Variants in SH3RF1 observed in about 807,000 individuals in gnomAD.
The protein encoded by SH3RF1 is E3 ubiquitin-protein ligase SH3RF1.
A neutral mutation model predicts 74.0 loss-of-function variants in SH3RF1; 32 were observed. The observed-to-expected ratio is 0.43, with a 90% confidence interval of 0.33 to 0.58. The LOEUF is 0.58. SH3RF1 is among the 20% of genes least tolerant of loss of function. The pLI is 0.05. For missense variants in SH3RF1, 954 were observed against 1,130.9 expected (o/e 0.84, Z 2.24); for synonymous variants, 396 against 439.6 (o/e 0.90, Z 1.24).
intron 2 of SH3RF1, among the ~76,000 whole-genome samples, chr4:169,261,659 C>T (rs181596017): frequency 6.0e-4 from 91 of 150,810 alleles, no homozygotes; most frequent in Admixed American, 5.3e-3. Flanking sequence ...TGAGTAGATA[C>T]GGAAGCTATC....
At chr4:169,117,457 A>T (rs1204821106) in intron 9 of SH3RF1, 66 bp downstream of exon 9, 1 of 1,575,862 alleles carries the variant, frequency 6.3e-7, no homozygotes, top group East Asian at 2.3e-5. Flanking sequence ...CATCTGTCAT[A>T]AAAGATCTAC....
intron 11 of SH3RF1, among the ~76,000 whole-genome samples, chr4:169,098,720 C>T (rs771379920): frequency 8.5e-5 from 13 of 152,168 alleles, no homozygotes; most frequent in East Asian, 3.9e-4. Context: ...CATGACACAG[C>T]GGGAGAAACA....
Position 169,136,390 on chromosome 4 carries a change from G to C in SH3RF1, c.996C>G (p.Ile332Met). 1 of 1,594,714 alleles carries C rather than the reference G, an allele frequency of 6.3e-7. No homozygotes were observed. The highest frequency in any genetic ancestry group is 8.5e-7 in the Non-Finnish European group (1 of 1,172,016). Reference sequence around the variant, plus strand: ...CAGCAGCAGTGGGGTTGCTGGAGCTGATGAGGACAGGGGGGCTGATCTCCA... The same window carrying C: ...CAGCAGCAGTGGGGTTGCTGGAGCTCATGAGGACAGGGGGGCTGATCTCCA... Reference protein sequence around the residue: ...HSMEISPPVLISSSNPTAAAR... With the variant: ...HSMEISPPVLMSSSNPTAAAR... Residue 332 changes from isoleucine to methionine, a missense_variant, in exon 5 of 12, where the codon ATC becomes ATG. Transcript: ENST00000284637.
chr4:169,234,197 TA>T (rs1730790975), intron 2 of SH3RF1, among the ~76,000 whole-genome samples: 1 of 152,140 alleles, frequency 6.6e-6, no homozygotes, highest in Admixed American at 6.6e-5. Context: ...AATTTTTTTT[TA>T]AATTGTCCCA....
chr4:169,234,530 T>C (rs1730796696), intron 2 of SH3RF1, among the ~76,000 whole-genome samples: 2 of 152,236 alleles, frequency 1.3e-5, no homozygotes, highest in African/African-American at 4.8e-5. Flanking sequence ...TAAACAATGA[T>C]ATCCTAATAG....
intron 6 of SH3RF1, among the ~76,000 whole-genome samples, chr4:169,123,817 G>A (rs1368526623): frequency 3.3e-5 from 5 of 152,160 alleles, no homozygotes; most frequent in African/African-American, 2.4e-5. Flanking sequence ...GCGTGAACCC[G>A]GGAGGCGGAG....
chr4:169,218,880 G>C (rs13143597), intron 2 of SH3RF1, among the ~76,000 whole-genome samples: 8,806 of 152,102 alleles, frequency 0.058, 292 homozygotes, highest in Admixed American at 0.1. Context: ...TTTGCTTTAA[G>C]TAATTAGGAG....
intron 1 of SH3RF1, 104 bp from the exon 2 acceptor site, chr4:169,269,411 C>T (rs967653485): frequency 1.7e-6 from 1 of 571,828 alleles, no homozygotes; most frequent in Non-Finnish European, 3.0e-6. Context: ...GTACACTATT[C>T]CCTGTCTGAA....
At chr4:169,256,945 T>C (rs1731202131) in intron 2 of SH3RF1, among the ~76,000 whole-genome samples, 1 of 152,156 alleles carries the variant, frequency 6.6e-6, no homozygotes, top group African/African-American at 2.4e-5. Flanking sequence ...GTATTAAAAG[T>C]TCTAATTTCT....
intron 2 of SH3RF1, among the ~76,000 whole-genome samples, chr4:169,178,549 A>G (rs1734459725): frequency 6.6e-6 from 1 of 152,126 alleles, no homozygotes; most frequent in Non-Finnish European, 1.5e-5. Context: ...TCTGGAACAC[A>G]GGTACTTTGG....
intron 6 of SH3RF1, 87 bp from the exon 7 acceptor site, chr4:169,122,353 G>C (rs1439431306): frequency 2.8e-6 from 4 of 1,409,010 alleles, no homozygotes. Context: ...GAGAGAAAAA[G>C]AATTATAAAT....
intron 2 of SH3RF1, among the ~76,000 whole-genome samples, chr4:169,218,314 AG>A (rs1273083293): frequency 1.0e-5 from 1 of 96,416 alleles, no homozygotes; most frequent in Non-Finnish European, 2.3e-5. Flanking sequence ...TATAGAATAT[AG>A]AATATAGAAT....
chr4:169,156,770 A>G, intron 2 of SH3RF1, 91 bp from the exon 3 acceptor site: 1 of 1,281,818 alleles, frequency 7.8e-7, no homozygotes, highest in Non-Finnish European at 1.1e-6. Context: ...TTTTAAAGTC[A>G]AAGTCAAAAC....
chr4:169,132,591 G>C (rs1392686772), intron 5 of SH3RF1, among the ~76,000 whole-genome samples: 2 of 151,832 alleles, frequency 1.3e-5, no homozygotes, highest in Non-Finnish European at 2.9e-5. Context: ...CCTGAATAGG[G>C]ACAACCTGAG....
chr4:169,179,700 A>C (rs1055288979), intron 2 of SH3RF1, among the ~76,000 whole-genome samples: 5 of 152,240 alleles, frequency 3.3e-5, no homozygotes, highest in South Asian at 2.1e-4. Context: ...AACACTGCGC[A>C]AACTTTGAGT....
chr4:169,195,180 T>C (rs1224299512), intron 2 of SH3RF1, among the ~76,000 whole-genome samples: 2 of 152,208 alleles, frequency 1.3e-5, no homozygotes, highest in African/African-American at 2.4e-5. Flanking sequence ...AATATGGTTG[T>C]TGGGTATAGA....
At chr4:169,156,895 C>A (rs1734068852) in intron 2 of SH3RF1, among the ~76,000 whole-genome samples, 1 of 152,144 alleles carries the variant, frequency 6.6e-6, no homozygotes, top group South Asian at 2.1e-4. Context: ...GACACCCATG[C>A]ACCAGCCATG....
chr4:169,128,384 T>C lies in SH3RF1; in HGVS notation c.1179+1662A>G, dbSNP rs376369416. On this transcript the variant is annotated intron_variant, in intron 6 of 11. Coordinates refer to ENST00000284637, the MANE Select transcript of SH3RF1 (RefSeq NM_020870.4). Reference sequence around the variant, plus strand: ...GGCATCTTCTCCTTCGCCAAGCAGCTGTACTATCAAGAAAGTTGTAACTGT... The same window carrying C: ...GGCATCTTCTCCTTCGCCAAGCAGCCGTACTATCAAGAAAGTTGTAACTGT... Among the ~76,000 whole-genome samples the C allele has an allele frequency of 5.9e-5, 9 of 152,334 alleles. No individual in the cohort carries two copies. In the South Asian group the frequency reaches 6.2e-4, roughly 11 times the overall value.
chr4:169,267,864 T>G (rs1731378914), intron 2 of SH3RF1, among the ~76,000 whole-genome samples: 2 of 152,196 alleles, frequency 1.3e-5, no homozygotes, highest in African/African-American at 4.8e-5. Flanking sequence ...CTAGATTAAT[T>G]GTTCTTTAAA....
Sources: allele counts gnomAD v4.1 joint callset (sites outside exome capture counted in the v4.1 genomes callset), GRCh38; gene constraint gnomAD v4.1.1; transcripts MANE v1.5; gene names NCBI Gene and HGNC (gene_info 2026-07-23, HGNC 2026-07-21).